The following ATP8A1 variants were observed in gnomAD, a reference collection of about 807,000 sequenced individuals.
The protein encoded by ATP8A1 is ATPase phospholipid transporting 8A1, also known as phospholipid-transporting ATPase IA.
A neutral mutation model predicts 177.7 loss-of-function variants in ATP8A1; 90 were observed. That is an observed-to-expected ratio of 0.51 (90% CI 0.43 to 0.60). The LOEUF (loss-of-function observed/expected upper bound fraction) is 0.60, where lower values mean the gene tolerates loss of function less well. ATP8A1 is among the 20% of genes least tolerant of loss of function. The pLI, the probability that ATP8A1 is intolerant of heterozygous loss-of-function variation, is 0.00. For missense variants in ATP8A1, 1,072 were observed against 1,392.8 expected, an observed-to-expected ratio of 0.77 and a Z score of 3.67; for synonymous variants, 493 against 485.9, an observed-to-expected ratio of 1.01 and a Z score of -0.19.
chr4:42,435,286 C>T (rs556077323), intron 33 of ATP8A1, among the ~76,000 whole-genome samples: 2 of 152,054 alleles, frequency 1.3e-5, no homozygotes, highest in Admixed American at 6.5e-5. Context: ...ATTGGCTGGG[C>T]GTGGTGGCGG....
At chr4:42,514,247 A>G (rs73235592) in intron 22 of ATP8A1, among the ~76,000 whole-genome samples, 3 of 152,288 alleles carry the variant, frequency 2.0e-5, no homozygotes, top group Non-Finnish European at 4.4e-5. Flanking sequence ...CAGAATTCAC[A>G]CACCCAGCTG....
chr4:42,617,700 A>G (rs1052533077), intron 4 of ATP8A1, among the ~76,000 whole-genome samples: 7 of 152,238 alleles, frequency 4.6e-5, no homozygotes, highest in Non-Finnish European at 7.3e-5. Context: ...AAAGCTAATT[A>G]ATGAAACATT....
At chr4:42,513,835 G>A (rs1248517707) in intron 22 of ATP8A1, among the ~76,000 whole-genome samples, 2 of 152,166 alleles carry the variant, frequency 1.3e-5, no homozygotes, top group Non-Finnish European at 2.9e-5. Context: ...TAGGACAAAA[G>A]AAGCCTGCAT....
chr4:42,515,757 C>T (rs563074959), intron 22 of ATP8A1, among the ~76,000 whole-genome samples: 23 of 152,310 alleles, frequency 1.5e-4, no homozygotes, highest in African/African-American at 5.5e-4. Context: ...CCTCTCCCTG[C>T]TGAGCCCTAG....
chr4:42,492,981 C>A (rs1722876841), intron 24 of ATP8A1, among the ~76,000 whole-genome samples: 1 of 152,216 alleles, frequency 6.6e-6, no homozygotes, highest in South Asian at 2.1e-4. Context: ...AAGATGGTGA[C>A]TCTACTGAAA....
At chr4:42,538,649 T>G (rs1474402648) in intron 20 of ATP8A1, among the ~76,000 whole-genome samples, 1 of 152,062 alleles carries the variant, frequency 6.6e-6, no homozygotes, top group Non-Finnish European at 1.5e-5. Flanking sequence ...AACAAACACA[T>G]GAAAAAATGC....
At chr4:42,515,391 A>AAT (rs1382508485) in intron 22 of ATP8A1, among the ~76,000 whole-genome samples, 1 of 152,240 alleles carries the variant, frequency 6.6e-6, no homozygotes, top group African/African-American at 2.4e-5. Flanking sequence ...GGCAGTCATG[A>AAT]ATGCTCAAGA....
chr4:42,460,775 C>A (rs1284940871), intron 27 of ATP8A1, among the ~76,000 whole-genome samples: 2 of 152,040 alleles, frequency 1.3e-5, no homozygotes, highest in Non-Finnish European at 2.9e-5. Context: ...GTAAGGGAAC[C>A]CTCAGCAGAT....
At chr4:42,606,721 G>C (rs2109418823) in intron 5 of ATP8A1, among the ~76,000 whole-genome samples, 1 of 152,162 alleles carries the variant, frequency 6.6e-6, no homozygotes, top group African/African-American at 2.4e-5. Context: ...TCTCCCCCTG[G>C]TGCAAATTCT....
chr4:42,544,051 TGCCTC>T (rs1728656927), intron 19 of ATP8A1, 65 bp from the exon 20 acceptor site: 16 of 1,286,038 alleles, frequency 1.2e-5, no homozygotes, highest in Non-Finnish European at 1.8e-5. Flanking sequence ...GTGTTTGTCA[TGCCTC>T]ACATATTTTG....
At position 42,455,536 on chromosome 4, in the gene ATP8A1, G is replaced by A; in HGVS notation, c.2683C>T (p.Leu895Phe). 1 of 1,613,468 alleles carries A rather than the reference G, an allele frequency of 6.2e-7. No individual in the cohort carries two copies. The highest frequency in any genetic ancestry group is 8.5e-7 in the Non-Finnish European group (1 of 1,179,702). The change falls in exon 28 of 37, where the codon CTC becomes TTC. Residue 895 changes from leucine (L) to phenylalanine (F), a missense_variant. By Grantham distance (22) the Leu-to-Phe change is conservative. Coordinates refer to ENST00000381668, the MANE Select transcript of ATP8A1 (RefSeq NM_006095.2). ...QILFERWCIG[L>F]YNVMFTAMPP... ...TGTCCTAAACTTACCACGTTATAGA[G>A]ACCTATACACCATCTTTCAAAGAGG... is the stretch of plus-strand genomic sequence containing the variant.
At chr4:42,637,487 T>C (rs1180232975) in intron 1 of ATP8A1, among the ~76,000 whole-genome samples, 2 of 152,236 alleles carry the variant, frequency 1.3e-5, no homozygotes. Context: ...CTTGATCATG[T>C]AAAACATGGT....
In ATP8A1 at chr4:42,448,401, C is replaced by CTTTTTTTTTTTTTTTTTTTT. The variant is rs1226963744; in HGVS notation, c.2897-1758_2897-1757insAAAAAAAAAAAAAAAAAAAA. On this transcript the variant is annotated intron_variant, in intron 30 of 36. Coordinates refer to ENST00000381668, the MANE Select transcript of ATP8A1 (RefSeq NM_006095.2). Reference sequence around the variant, plus strand: ...CTCCCTCCCTCCTTCTCTTTCTTTTCTTTTTTTTTTTTTTGAGATGGAGTC... The same window carrying CTTTTTTTTTTTTTTTTTTTT: ...CTCCCTCCCTCCTTCTCTTTCTTTTCTTTTTTTTTTTTTTTTTTTTTTTTTTTTTTTTTTGAGATGGAGTC... Among the ~76,000 whole-genome samples, 292 of 99,490 alleles carry CTTTTTTTTTTTTTTTTTTTT rather than the reference C, an allele frequency of 2.9e-3. 8 individuals are homozygous for CTTTTTTTTTTTTTTTTTTTT. Among genetic ancestry groups the CTTTTTTTTTTTTTTTTTTTT allele is most frequent in the East Asian group, 7.4e-3 (21 of 2,832 alleles). 65.3% of individuals were successfully genotyped at this position (99,490 alleles called of 152,430 possible).
intron 25 of ATP8A1, among the ~76,000 whole-genome samples, chr4:42,480,185 T>G (rs1721528860): frequency 6.6e-6 from 1 of 152,180 alleles, no homozygotes; most frequent in South Asian, 2.1e-4. Flanking sequence ...CTGGTGGTGG[T>G]CATCATAATT....
At chr4:42,583,976 T>C (rs1366275451) in intron 9 of ATP8A1, among the ~76,000 whole-genome samples, 3 of 152,210 alleles carry the variant, frequency 2.0e-5, no homozygotes, top group East Asian at 3.8e-4. Flanking sequence ...TTTAACCAGA[T>C]GTTCATGGAA....
intron 9 of ATP8A1, among the ~76,000 whole-genome samples, chr4:42,583,204 C>T (rs896653112): frequency 1.3e-5 from 2 of 152,202 alleles, no homozygotes; most frequent in African/African-American, 4.8e-5. Flanking sequence ...AAATCAATCC[C>T]GATGCGTAGG....
intron 1 of ATP8A1, among the ~76,000 whole-genome samples, chr4:42,636,631 C>T (rs550902783): frequency 6.6e-6 from 1 of 152,274 alleles, no homozygotes; most frequent in African/African-American, 2.4e-5. Flanking sequence ...TTTTCAGTTG[C>T]ATTAATACAC....
rs1277383709 is a variant in ATP8A1 at position 42,444,579 on chromosome 4, C to T, written c.3014G>A (p.Trp1005Ter). The T allele has an allele frequency of 1.2e-6, 2 of 1,613,058 alleles. No homozygotes were observed. The highest frequency in any genetic ancestry group is 1.7e-6 in the Non-Finnish European group (2 of 1,179,460). ...KAGLETSYWT[W>*]FSHIAIWGSI... ...GGTTGTGGTTAGATATTTTCTTACCCATGTCCAATATGATGTCTCCAATCC... is the reference window on the plus strand; with the variant it reads ...GGTTGTGGTTAGATATTTTCTTACCTATGTCCAATATGATGTCTCCAATCC... The change falls in exon 32 of 37, where the codon TGG becomes TAG. Residue 1005 changes from tryptophan (W) to a stop codon, truncating the protein, a stop_gained and splice_region_variant. Transcript: ENST00000381668. LOFTEE classifies it high-confidence loss of function.
chr4:42,631,103 G>C (rs1167898068), intron 1 of ATP8A1, among the ~76,000 whole-genome samples: 1 of 152,194 alleles, frequency 6.6e-6, no homozygotes, highest in Non-Finnish European at 1.5e-5. Context: ...AAAAATGGGA[G>C]GCGGCTTCTG....
Sources: allele counts gnomAD v4.1 joint callset (sites outside exome capture counted in the v4.1 genomes callset), GRCh38; gene constraint gnomAD v4.1.1; transcripts MANE v1.5; gene names NCBI Gene and HGNC (gene_info 2026-07-23, HGNC 2026-07-21).